LIMS1: variants seen among roughly 807,000 people sequenced by gnomAD.
LIMS1 encodes LIM zinc finger domain containing 1.
Under a neutral mutation model 44.1 loss-of-function variants are expected in LIMS1, and 18 were observed. The observed-to-expected ratio is 0.41, with a 90% CI of 0.28 to 0.61. The LOEUF (loss-of-function observed/expected upper bound fraction) is 0.61. Ranked by LOEUF, LIMS1 falls within the 20% of genes least tolerant of loss-of-function variation. The pLI is 0.32. For missense variants in LIMS1, 201 were observed against 422.0 expected (o/e 0.48, Z 4.59); for synonymous variants, 93 against 149.1 (o/e 0.62, Z 2.74).
At chr2:108,592,596 A>G (rs1686465239) in intron 1 of LIMS1, among the ~76,000 whole-genome samples, 1 of 152,154 alleles carries the variant, frequency 6.6e-6, no homozygotes, top group Non-Finnish European at 1.5e-5. Context: ...TCAGCTGTTT[A>G]TGGTCTTTCT....
rs60571292 is a variant in LIMS1, at chr2:108,610,148, ATGTGTGTGTGTGTGTGTG to A, written c.33-49427_33-49410del. Among the ~76,000 whole-genome samples, 763 of 143,314 alleles carry A rather than the reference ATGTGTGTGTGTGTGTGTG, an allele frequency of 5.3e-3. 5 individuals carry two copies. Among genetic ancestry groups the A allele is most frequent in the Admixed American group, 0.022 (321 of 14,448 alleles). The allele number at this position is 143,314 out of a possible 152,430, so 94.0% of individuals were successfully genotyped here. On this transcript the variant is annotated intron_variant, in intron 1 of 9. Coordinates refer to ENST00000544547, the Ensembl canonical transcript of LIMS1. ...ACAAAGTGAGACTCTGTTACAAAAA[ATGTGTGTGTGTGTGTGTG>A]TGTGTGTGTGTGTGTGTGTGTGTGT...
intron 8 of LIMS1, 135 bp from the exon 9 acceptor site, chr2:108,680,560 A>ATTTTGTTG: frequency 1.0e-6 from 1 of 971,836 alleles, no homozygotes. Flanking sequence ...AAAAAAAAAA[A>ATTTTGTTG]AAAAGGTTCT....
chr2:108,660,581 G>T (rs796511443), intron 2 of LIMS1: 3 of 282,388 alleles, frequency 1.1e-5, no homozygotes, highest in Admixed American at 5.1e-5. Flanking sequence ...CTACAGGCAC[G>T]TGCCACCATG....
chr2:108,562,566 G>A (rs959837900), intron 1 of LIMS1, among the ~76,000 whole-genome samples: 1 of 152,190 alleles, frequency 6.6e-6, no homozygotes, highest in African/African-American at 2.4e-5. Context: ...CCAAAGCAAG[G>A]CCCTAACTCT....
At chr2:108,605,070 C>G (rs1210238495) in intron 1 of LIMS1, among the ~76,000 whole-genome samples, 1 of 152,218 alleles carries the variant, frequency 6.6e-6, no homozygotes, top group Non-Finnish European at 1.5e-5. Context: ...GTCTTGGGCT[C>G]TGGCCATTAG....
chr2:108,643,341 A>G (rs1379277577), intron 1 of LIMS1, among the ~76,000 whole-genome samples: 1 of 152,222 alleles, frequency 6.6e-6, no homozygotes, highest in East Asian at 1.9e-4. Context: ...GTGCAGCCCA[A>G]GGAGGATGAG....
intron 2 of LIMS1, among the ~76,000 whole-genome samples, chr2:108,663,097 A>G (rs192436430): frequency 0.02 from 3,053 of 152,264 alleles, 62 homozygotes; most frequent in African/African-American, 0.047. Flanking sequence ...TTCTGTCTCA[A>G]CTACAGTTTC....
intron 5 of LIMS1, chr2:108,673,860 CT>C (rs1300402037): frequency 6.6e-6 from 1 of 152,138 alleles, no homozygotes; most frequent in African/African-American, 2.4e-5. Context: ...ACATGCATAA[CT>C]TTTACAGTTG....
At chr2:108,550,878 T>C (rs911770181) in intron 1 of LIMS1, among the ~76,000 whole-genome samples, 3 of 151,544 alleles carry the variant, frequency 2.0e-5, no homozygotes, top group Admixed American at 6.6e-5. Flanking sequence ...CCCAGCACTT[T>C]GGGAGACCGA....
At chr2:108,670,341 G>A (rs1288483308) in intron 2 of LIMS1, among the ~76,000 whole-genome samples, 3 of 149,470 alleles carry the variant, frequency 2.0e-5, no homozygotes, top group Non-Finnish European at 4.5e-5. Context: ...AAAATACAAT[G>A]TGCTAAAATA....
chr2:108,594,231 C>G (rs1686549563), intron 1 of LIMS1, among the ~76,000 whole-genome samples: 1 of 152,130 alleles, frequency 6.6e-6, no homozygotes, highest in Non-Finnish European at 1.5e-5. Context: ...CCCCTGCCCT[C>G]TAAGTTATGG....
intron 1 of LIMS1, chr2:108,621,294 G>A (rs1688221478): frequency 6.5e-7 from 1 of 1,541,418 alleles, no homozygotes; most frequent in African/African-American, 1.4e-5. Flanking sequence ...CTTTCCCCTG[G>A]CAGCCACACT....
At chr2:108,630,765 T>TTCACCACC (rs1053236414) in intron 1 of LIMS1, among the ~76,000 whole-genome samples, 15 of 152,260 alleles carry the variant, frequency 9.9e-5, no homozygotes, top group Middle Eastern at 6.8e-3. Context: ...ACACCAGGAT[T>TTCACCACC]TCACCACCCA....
intron 1 of LIMS1, among the ~76,000 whole-genome samples, chr2:108,603,463 C>T (rs1397112944): frequency 6.9e-6 from 1 of 145,442 alleles, no homozygotes; most frequent in African/African-American, 2.5e-5. Context: ...TGAATTTCTG[C>T]AGTATCAGTT....
chr2:108,552,113 T>C (rs1001178100), intron 1 of LIMS1, among the ~76,000 whole-genome samples: 48 of 145,974 alleles, frequency 3.3e-4, no homozygotes, highest in African/African-American at 1.1e-3. Flanking sequence ...GAGTTAACTA[T>C]ATATTATATA....
At chr2:108,605,613 T>C (rs570879162) in intron 1 of LIMS1, among the ~76,000 whole-genome samples, 2 of 152,316 alleles carry the variant, frequency 1.3e-5, no homozygotes, top group African/African-American at 4.8e-5. Flanking sequence ...GCCCAGCACA[T>C]GGCTTCACAT....
Position 108,534,435 on chromosome 2 carries a change from C to G in LIMS1, c.-128C>G, listed in dbSNP as rs973622821. On this transcript the variant is annotated 5_prime_UTR_variant, in exon 1 of 10. Coordinates refer to ENST00000544547, the Ensembl canonical transcript of LIMS1. The stretch of plus-strand genomic sequence containing the variant: ...CTCCCGCGCCCCCGCGCGGCCGGCC[C>G]CTGGCCTTCCTCCCCTTCCTGCTCC... The G allele has an allele frequency of 4.8e-5, 34 of 702,734 alleles. No individual in the cohort carries two copies. The Admixed American group carries it at 9.5e-4, about 20-fold the overall frequency. The allele number at this position is 702,734 out of a possible 1,614,324, so 43.5% of individuals were successfully genotyped here. A position where few individuals can be genotyped will look rare whatever the true frequency, so the allele number is the denominator to read the frequency against.
At chr2:108,538,706 C>T (rs569256092) in intron 1 of LIMS1, among the ~76,000 whole-genome samples, 3 of 152,258 alleles carry the variant, frequency 2.0e-5, no homozygotes, top group South Asian at 2.1e-4. Context: ...AAAAAAGTTA[C>T]GGGAAAACAT....
At chr2:108,588,473 A>G in intron 1 of LIMS1, 1 of 985,636 alleles carries the variant, frequency 1.0e-6, no homozygotes, top group Non-Finnish European at 1.2e-6. Flanking sequence ...TTTACTCTTG[A>G]ATTAAGAGAA....
Sources: gnomAD v4.1 joint callset for allele counts (sites outside exome capture counted in the v4.1 genomes callset) on GRCh38, gnomAD v4.1.1 for gene constraint, MANE v1.5 for transcripts, NCBI Gene and HGNC (gene_info 2026-07-23, HGNC 2026-07-21) for gene names.